Variants in MTA3 observed in about 807,000 individuals in gnomAD.
The protein encoded by MTA3 is metastasis associated 1 family member 3, also known as metastasis-associated protein MTA3.
In MTA3, 34 loss-of-function variants were observed where a neutral mutation model predicts 83.5. The ratio of observed to expected loss-of-function variants is 0.41; its 90% confidence interval spans 0.31 to 0.54. The LOEUF (loss-of-function observed/expected upper bound fraction) is 0.54. Ranked by LOEUF, MTA3 falls within the 20% of genes least tolerant of loss-of-function variation. The pLI, the probability that MTA3 is intolerant of heterozygous loss-of-function variation, is 0.33. For missense variants in MTA3, 761 were observed against 726.4 expected, an observed-to-expected ratio of 1.05 and a Z score of -0.55; for synonymous variants, 303 against 252.7, an observed-to-expected ratio of 1.20 and a Z score of -1.89.
At chr2:42,748,195 ATGTGTTTGTGTGTGTGTGTGTG>A (rs1289314709) in intron 16 of MTA3, among the ~76,000 whole-genome samples, 2 of 57,594 alleles carry the variant, frequency 3.5e-5, no homozygotes, top group African/African-American at 7.8e-5. Flanking sequence ...CATCCAGCTA[ATGTGTTTGTGTGTGTGTGTGTG>A]TGTGTGTGTG....
chr2:42,755,763 A>C lies in MTA3; in HGVS notation c.*2364A>C. The C allele has an allele frequency of 1.0e-6, 1 of 985,532 alleles. No individual in the cohort carries two copies. The highest frequency in any genetic ancestry group is 1.2e-6 in the Non-Finnish European group (1 of 830,026). The allele number at this position is 985,532 out of a possible 1,614,324, so 61.0% of individuals were successfully genotyped here. A position where few individuals can be genotyped will look rare whatever the true frequency, so the allele number is the denominator to read the frequency against. The stretch of plus-strand genomic sequence containing the variant: ...GGTGTCCCTGCTGTGTGTCAGTGGC[A>C]TGTCACTGTGGTTCAGTGAGCACAT... On this transcript the variant is annotated 3_prime_UTR_variant, in exon 17 of 17. Transcript: ENST00000405094.
chr2:42,731,810 C>G (rs1235147450), intron 16 of MTA3, among the ~76,000 whole-genome samples: 1 of 152,146 alleles, frequency 6.6e-6, no homozygotes, highest in Admixed American at 6.5e-5. Flanking sequence ...TGAGTCAAGG[C>G]AAGTCCCTTC....
At chr2:42,507,854 C>T in intron 2 of MTA3, among the ~76,000 whole-genome samples, 1 of 151,340 alleles carries the variant, frequency 6.6e-6, no homozygotes, top group Non-Finnish European at 1.5e-5. Context: ...TGGCTTGAGC[C>T]CGGGAGGCAG....
At chr2:42,587,701 A>G (rs1680508671) in intron 3 of MTA3, among the ~76,000 whole-genome samples, 1 of 152,122 alleles carries the variant, frequency 6.6e-6, no homozygotes, top group African/African-American at 2.4e-5. Context: ...GTAGGGATTC[A>G]AGTGATTCTC....
intron 16 of MTA3, among the ~76,000 whole-genome samples, chr2:42,727,190 C>A (rs186539239): frequency 2.6e-5 from 4 of 152,032 alleles, no homozygotes; most frequent in Non-Finnish European, 4.4e-5. Flanking sequence ...AGAGTGAGAT[C>A]CTGTCTCTTA....
intron 6 of MTA3, among the ~76,000 whole-genome samples, chr2:42,648,544 A>G (rs1282677777): frequency 6.6e-6 from 1 of 152,178 alleles, no homozygotes; most frequent in African/African-American, 2.4e-5. Context: ...TTGTTGCAGC[A>G]TTTGTCTTGC....
intron 16 of MTA3, among the ~76,000 whole-genome samples, chr2:42,746,059 G>A (rs917900258): frequency 2.0e-5 from 3 of 152,038 alleles, no homozygotes; most frequent in Non-Finnish European, 4.4e-5. Context: ...TGATCCACCC[G>A]CCTTGGCCTC....
chr2:42,671,475 T>G (rs1303161939), intron 8 of MTA3, among the ~76,000 whole-genome samples: 1 of 152,170 alleles, frequency 6.6e-6, no homozygotes, highest in Non-Finnish European at 1.5e-5. Context: ...TTTTTACTCT[T>G]ATTTTCTTCT....
At chr2:42,637,182 C>T (rs1189142876) in intron 4 of MTA3, among the ~76,000 whole-genome samples, 1 of 152,120 alleles carries the variant, frequency 6.6e-6, no homozygotes, top group Non-Finnish European at 1.5e-5. Context: ...TTTCAGTGAC[C>T]TGTGGGAAAG....
intron 3 of MTA3, 125 bp from the exon 4 acceptor site, chr2:42,609,333 A>G: frequency 1.8e-6 from 2 of 1,091,624 alleles, no homozygotes; most frequent in Non-Finnish European, 2.6e-6. Context: ...CACCTGGCAA[A>G]TGTTTAAATT....
intron 11 of MTA3, chr2:42,703,290 A>G (rs1181903114): frequency 6.6e-6 from 1 of 152,178 alleles, no homozygotes; most frequent in African/African-American, 2.4e-5. Context: ...TAAAATTTCA[A>G]ATGCTATGTA....
chr2:42,545,251 G>A (rs151132121), intron 2 of MTA3, among the ~76,000 whole-genome samples: 4 of 152,264 alleles, frequency 2.6e-5, no homozygotes, highest in African/African-American at 7.2e-5. Flanking sequence ...GGTGGCACAC[G>A]CCTGTACTCG....
At chr2:42,510,365 T>C (rs1444349978) in intron 2 of MTA3, among the ~76,000 whole-genome samples, 3 of 144,526 alleles carry the variant, frequency 2.1e-5, no homozygotes, top group South Asian at 2.2e-4. Context: ...CTGGCCCCAA[T>C]CCTGGGTCAA....
At chr2:42,579,244 GT>G in intron 3 of MTA3, 44 bp downstream of exon 3, 1 of 1,413,932 alleles carries the variant, frequency 7.1e-7, no homozygotes, top group Non-Finnish European at 9.6e-7. Context: ...TAAGTCTTGT[GT>G]TTTTTGTGAT....
chr2:42,589,990 A>T (rs1680778910), intron 3 of MTA3, among the ~76,000 whole-genome samples: 1 of 152,116 alleles, frequency 6.6e-6, no homozygotes, highest in East Asian at 1.9e-4. Context: ...AGAAGTGGAG[A>T]TGAGGAGAGA....
intron 6 of MTA3, among the ~76,000 whole-genome samples, chr2:42,651,639 T>C (rs1438257872): frequency 1.3e-5 from 2 of 151,834 alleles, no homozygotes. Flanking sequence ...CTACTAAAAA[T>C]ACAAAAAATT....
chr2:42,742,388 C>G (rs1430144537), intron 16 of MTA3, among the ~76,000 whole-genome samples: 1 of 152,144 alleles, frequency 6.6e-6, no homozygotes, highest in Non-Finnish European at 1.5e-5. Context: ...ATCCGCCTGC[C>G]TCAGCCTCCC....
rs780066831 is a variant in MTA3 at position 42,682,351 on chromosome 2, A to G, written c.703-50A>G. ...TAGTGTTTATATTCTTACATAATGT[A>G]GCATGTTTGCATTTCTGGTTGATAT... is the stretch of plus-strand genomic sequence containing the variant. On this transcript the variant is annotated intron_variant, in intron 8 of 16. Transcript: ENST00000405094. The G allele has an allele frequency of 5.9e-6, 8 of 1,353,780 alleles. No individual in the cohort carries two copies. The African/African-American group carries it at 1.2e-4, about 20-fold the overall frequency. The allele number at this position is 1,353,780 out of a possible 1,614,324, so 83.9% of individuals were successfully genotyped here.
intron 15 of MTA3, among the ~76,000 whole-genome samples, chr2:42,720,283 C>T (rs1289895630): frequency 6.6e-6 from 1 of 151,924 alleles, no homozygotes; most frequent in East Asian, 1.9e-4. Flanking sequence ...CCCAGGTTCA[C>T]GCCATTCTCC....
Sources: allele counts gnomAD v4.1 joint callset (sites outside exome capture counted in the v4.1 genomes callset), GRCh38; gene constraint gnomAD v4.1.1; transcripts MANE v1.5; gene names NCBI Gene and HGNC (gene_info 2026-07-23, HGNC 2026-07-21).